The following GALNT13 variants were observed in gnomAD, a reference collection of about 807,000 sequenced individuals.
GALNT13 encodes UDP-GalNAc:polypeptide N-acetylgalactosaminyltransferase 13.
In GALNT13, 28 loss-of-function variants were observed where a neutral mutation model predicts 64.2. The observed-to-expected ratio is 0.44, with a 90% CI of 0.32 to 0.60. The LOEUF is 0.60. Ranked by LOEUF, GALNT13 falls within the 20% of genes least tolerant of loss-of-function variation. The probability of loss-of-function intolerance (pLI) is 0.05; values close to 1 mark genes in which losing one functional copy is unlikely to be tolerated. For synonymous variants in GALNT13, 214 were observed against 224.6 expected (o/e 0.95, Z 0.42); for missense variants, 577 against 669.8 (o/e 0.86, Z 1.53).
At chr2:154,016,440 C>T (rs939551287) in intron 3 of GALNT13, among the ~76,000 whole-genome samples, 53 of 152,112 alleles carry the variant, frequency 3.5e-4, no homozygotes, top group African/African-American at 1.3e-3. Context: ...TTGTTTTTGA[C>T]AGAGTCTCGC....
At chr2:153,280,908 C>T in the GALNT13 span, among the ~76,000 whole-genome samples, 4,729 of 152,230 alleles carry the variant, frequency 0.031, 247 homozygotes, top group African/African-American at 0.11. Flanking sequence ...TTTAAGTCCA[C>T]AATTTCTTTG....
chr2:154,152,799 T>G (rs1170152009), intron 4 of GALNT13, among the ~76,000 whole-genome samples: 1 of 152,210 alleles, frequency 6.6e-6, no homozygotes, highest in Non-Finnish European at 1.5e-5. Context: ...TTTAAGCACT[T>G]CTCTGTATTG....
the GALNT13 span, among the ~76,000 whole-genome samples, chr2:153,653,496 C>CT: frequency 6.6e-6 from 1 of 152,006 alleles, no homozygotes; most frequent in Admixed American, 6.6e-5. Context: ...TTTTAGAATA[C>CT]TTACTAAAAT....
At chr2:154,327,136 GA>G (rs1559092502) in intron 9 of GALNT13, among the ~76,000 whole-genome samples, 1 of 151,430 alleles carries the variant, frequency 6.6e-6, no homozygotes, top group East Asian at 2.0e-4. Flanking sequence ...CCATAATAGT[GA>G]GTGAGATCTC....
At chr2:153,332,265 G>A in the GALNT13 span, among the ~76,000 whole-genome samples, 5 of 152,086 alleles carry the variant, frequency 3.3e-5, no homozygotes, top group Admixed American at 3.3e-4. Flanking sequence ...TAGATGTGAT[G>A]TTAGATGGCT....
the GALNT13 span, among the ~76,000 whole-genome samples, chr2:153,684,005 T>C: frequency 6.6e-6 from 1 of 151,532 alleles, no homozygotes; most frequent in Non-Finnish European, 1.5e-5. Context: ...AATCACCTGA[T>C]GGGAATTTCA....
chr2:153,698,277 C>T, the GALNT13 span, among the ~76,000 whole-genome samples: 4 of 152,070 alleles, frequency 2.6e-5, no homozygotes, highest in African/African-American at 9.6e-5. Flanking sequence ...GCTAAATGCC[C>T]CAATTAAAAG....
At position 154,451,727 on chromosome 2, in the gene GALNT13, A is replaced by C. The variant is rs1372887985; in HGVS notation, c.*1176A>C. ...TCATCTTAAAACCCTTTATGTTCAA[A>C]ATACATTAGCAGAGGCCATGAAAGT... On this transcript the variant is annotated 3_prime_UTR_variant, in exon 13 of 13. Transcript: ENST00000392825. 1 of 152,084 alleles carries C rather than the reference A, an allele frequency of 6.6e-6. No homozygotes were observed. The highest frequency in any genetic ancestry group is 1.5e-5 in the Non-Finnish European group (1 of 68,004). The allele number at this position is 152,084 out of a possible 1,614,324, so 9.4% of individuals were successfully genotyped here. A position where few individuals can be genotyped will look rare whatever the true frequency, so the allele number is the denominator to read the frequency against.
chr2:153,560,048 C>T, the GALNT13 span, among the ~76,000 whole-genome samples: 1 of 151,896 alleles, frequency 6.6e-6, no homozygotes, highest in Non-Finnish European at 1.5e-5. Flanking sequence ...AGTAGGAGTC[C>T]CATCAAATTG....
chr2:153,421,071 C>A, the GALNT13 span: 2 of 231,020 alleles, frequency 8.7e-6, no homozygotes, highest in South Asian at 6.2e-5. Context: ...GTGTAATAGG[C>A]AGTAAGCCAT....
chr2:153,820,258 A>C, the GALNT13 span, among the ~76,000 whole-genome samples: 36,668 of 152,140 alleles, frequency 0.24, 4,703 homozygotes, highest in Non-Finnish European at 0.27. Context: ...AAACATACAA[A>C]TTATTGGCAT....
At chr2:153,429,030 A>G in the GALNT13 span, among the ~76,000 whole-genome samples, 3 of 151,744 alleles carry the variant, frequency 2.0e-5, no homozygotes, top group Admixed American at 2.0e-4. Context: ...CCCCTTTCTT[A>G]CTCCATTAAG....
At chr2:153,925,328 G>T (rs763259476) in intron 2 of GALNT13, among the ~76,000 whole-genome samples, 1 of 151,952 alleles carries the variant, frequency 6.6e-6, no homozygotes, top group Non-Finnish European at 1.5e-5. Context: ...CCCATTGCTT[G>T]TTTTTTTCAG....
chr2:153,134,272 T>C, the GALNT13 span, among the ~76,000 whole-genome samples: 1 of 152,158 alleles, frequency 6.6e-6, no homozygotes, highest in African/African-American at 2.4e-5. Context: ...GTGGCTCCTT[T>C]TTTTCCCCTG....
the GALNT13 span, among the ~76,000 whole-genome samples, chr2:153,167,354 C>T: frequency 6.6e-6 from 1 of 152,202 alleles, no homozygotes; most frequent in Non-Finnish European, 1.5e-5. Context: ...TGAGGTTAGG[C>T]ATATTTTTCT....
At chr2:153,308,248 C>A in the GALNT13 span, among the ~76,000 whole-genome samples, 1 of 152,120 alleles carries the variant, frequency 6.6e-6, no homozygotes, top group African/African-American at 2.4e-5. Flanking sequence ...TGAAGGGAAT[C>A]TTTCTGAAAT....
chr2:153,916,104 C>T (rs1175942022), intron 2 of GALNT13, among the ~76,000 whole-genome samples: 1 of 150,028 alleles, frequency 6.7e-6, no homozygotes, highest in Non-Finnish European at 1.5e-5. Flanking sequence ...TCCTTCTGTC[C>T]TTCCTTCCTC....
At chr2:153,343,386 T>G in the GALNT13 span, among the ~76,000 whole-genome samples, 1 of 152,140 alleles carries the variant, frequency 6.6e-6, no homozygotes, top group Non-Finnish European at 1.5e-5. Flanking sequence ...TAAAAATTAC[T>G]ATGTTTTTTA....
At chr2:154,432,254 A>G (rs1363966056) in intron 11 of GALNT13, among the ~76,000 whole-genome samples, 1 of 152,234 alleles carries the variant, frequency 6.6e-6, no homozygotes, top group African/African-American at 2.4e-5. Flanking sequence ...ACTATTGGAA[A>G]GTATAACTGG....
Sources: gnomAD v4.1 joint callset for allele counts (sites outside exome capture counted in the v4.1 genomes callset) on GRCh38, gnomAD v4.1.1 for gene constraint, MANE v1.5 for transcripts, NCBI Gene and HGNC (gene_info 2026-07-23, HGNC 2026-07-21) for gene names.